The following JAZF1 variants were observed in gnomAD, a reference collection of about 807,000 sequenced individuals.
JAZF1 encodes JAZF zinc finger 1.
A neutral mutation model predicts 26.4 loss-of-function variants in JAZF1; 8 were observed. The observed-to-expected ratio is 0.30, with a 90% confidence interval of 0.18 to 0.55. The LOEUF is 0.55. Among genes scored for constraint, JAZF1 ranks in the 20% least tolerant of loss-of-function variants. The pLI, the probability that JAZF1 is intolerant of heterozygous loss-of-function variation, is 0.94. For synonymous variants in JAZF1, 126 were observed against 122.3 expected (o/e 1.03, Z -0.20); for missense variants, 199 against 322.0 (o/e 0.62, Z 2.92).
intron 1 of JAZF1, among the ~76,000 whole-genome samples, chr7:28,093,187 T>C (rs1356483153): frequency 1.3e-5 from 2 of 152,188 alleles, no homozygotes; most frequent in Non-Finnish European, 2.9e-5. Flanking sequence ...TCATACTGAA[T>C]TGTAGCTCCA....
chr7:27,897,990 T>C (rs565118869), intron 2 of JAZF1, among the ~76,000 whole-genome samples: 5 of 152,340 alleles, frequency 3.3e-5, no homozygotes, highest in South Asian at 4.1e-4. Flanking sequence ...AATGAGGTAA[T>C]TGGCCTGTCA....
chr7:27,932,548 CT>C, intron 2 of JAZF1, among the ~76,000 whole-genome samples: 1 of 152,130 alleles, frequency 6.6e-6, no homozygotes, highest in East Asian at 1.9e-4. Context: ...GAAATACAGA[CT>C]TTTAAAAAGA....
At chr7:27,967,701 T>A (rs1041735497) in intron 2 of JAZF1, among the ~76,000 whole-genome samples, 1 of 152,240 alleles carries the variant, frequency 6.6e-6, no homozygotes, top group African/African-American at 2.4e-5. Flanking sequence ...TCTTTCCATT[T>A]TTGTTCCTAT....
At chr7:28,050,330 G>A (rs1783591143) in intron 1 of JAZF1, among the ~76,000 whole-genome samples, 2 of 152,182 alleles carry the variant, frequency 1.3e-5, no homozygotes, top group Admixed American at 1.3e-4. Flanking sequence ...CCAGGGGTTG[G>A]AGAAAGAAGT....
intron 1 of JAZF1, among the ~76,000 whole-genome samples, chr7:28,020,093 T>C (rs1310482790): frequency 6.6e-6 from 1 of 152,122 alleles, no homozygotes; most frequent in Admixed American, 6.5e-5. Flanking sequence ...ATTTTCCCTA[T>C]AGGTTAAGCT....
At chr7:27,918,438 TC>T (rs1262551769) in intron 2 of JAZF1, among the ~76,000 whole-genome samples, 1 of 152,194 alleles carries the variant, frequency 6.6e-6, no homozygotes, top group Non-Finnish European at 1.5e-5. Context: ...TATATTAGTA[TC>T]ACCTCACTGA....
intron 1 of JAZF1, among the ~76,000 whole-genome samples, chr7:28,127,086 A>T (rs1123588): frequency 4.0e-4 from 61 of 152,312 alleles, no homozygotes; most frequent in African/African-American, 1.4e-3. Context: ...ATATTCCAGA[A>T]AGTTCTGAAG....
intron 1 of JAZF1, among the ~76,000 whole-genome samples, chr7:28,143,736 T>C (rs1431055442): frequency 2.6e-5 from 4 of 152,256 alleles, no homozygotes; most frequent in African/African-American, 9.6e-5. Flanking sequence ...ATTTATGGTA[T>C]ATTCTTTTCA....
intron 1 of JAZF1, among the ~76,000 whole-genome samples, chr7:28,170,236 A>G (rs534392348): frequency 6.6e-6 from 1 of 152,316 alleles, no homozygotes; most frequent in Admixed American, 6.5e-5. Flanking sequence ...CAGCCTGGGC[A>G]ACATACCAAG....
chr7:28,017,587 T>C (rs1376580235), intron 1 of JAZF1, among the ~76,000 whole-genome samples: 2 of 152,200 alleles, frequency 1.3e-5, no homozygotes, highest in African/African-American at 4.8e-5. Flanking sequence ...AATTAATCCA[T>C]GTGGAACTGC....
rs1237438739 is a variant in JAZF1, at chr7:28,111,968, G to A, written c.115+68495C>T. 3.3e-5 allele frequency among the ~76,000 whole-genome samples: 5 copies of A among 152,278 alleles called. No individual in the cohort carries two copies. The East Asian group carries it at 9.6e-4, about 29-fold the overall frequency. On this transcript the variant is annotated intron_variant, in intron 1 of 4. Transcript: ENST00000283928. Reference sequence around the variant, plus strand: ...TGACCTAGAATTGTGTAGTATTATGGTGCTATACCAACATCTAATTTTTAA... The same window carrying A: ...TGACCTAGAATTGTGTAGTATTATGATGCTATACCAACATCTAATTTTTAA...
chr7:27,906,663 T>A (rs1250780993), intron 2 of JAZF1, among the ~76,000 whole-genome samples: 1 of 152,208 alleles, frequency 6.6e-6, no homozygotes, highest in Non-Finnish European at 1.5e-5. Context: ...GTCTTTTCCG[T>A]CATTGATGCC....
Position 27,864,960 on chromosome 7 carries a change from A to C in JAZF1, c.386-24093T>G, listed in dbSNP as rs550032916. Among the ~76,000 whole-genome samples, 8 of 152,278 alleles carry C rather than the reference A, an allele frequency of 5.3e-5. No individual in the cohort carries two copies. The South Asian group carries it at 6.2e-4, about 12-fold the overall frequency. On this transcript the variant is annotated intron_variant, in intron 3 of 4. Transcript: ENST00000283928. The stretch of plus-strand genomic sequence containing the variant: ...AGGACCTGCTTCCCCCAGAGTCTCG[A>C]ATAGTGCTCCCAAACTGCAGACCGT...
chr7:28,129,903 G>GT (rs1375551296), intron 1 of JAZF1, among the ~76,000 whole-genome samples: 3 of 151,884 alleles, frequency 2.0e-5, no homozygotes, highest in Admixed American at 1.3e-4. Context: ...TGTGTTATGT[G>GT]TTTTTTACAT....
intron 1 of JAZF1, among the ~76,000 whole-genome samples, chr7:28,114,794 G>C (rs2127934862): frequency 6.6e-6 from 1 of 151,660 alleles, no homozygotes; most frequent in South Asian, 2.1e-4. Flanking sequence ...ATAAGAAAAT[G>C]GGACAGGGGA....
At chr7:28,106,365 C>T (rs964144386) in intron 1 of JAZF1, among the ~76,000 whole-genome samples, 1 of 152,268 alleles carries the variant, frequency 6.6e-6, no homozygotes, top group Non-Finnish European at 1.5e-5. Context: ...CAACCTCTGA[C>T]GCAGACATGC....
At chr7:27,879,133 G>A (rs1461016912) in intron 3 of JAZF1, among the ~76,000 whole-genome samples, 3 of 152,130 alleles carry the variant, frequency 2.0e-5, no homozygotes, top group Admixed American at 6.5e-5. Flanking sequence ...AGTAAGACAC[G>A]CATTTTAGTT....
At chr7:28,081,984 G>A (rs972985669) in intron 1 of JAZF1, among the ~76,000 whole-genome samples, 2 of 151,998 alleles carry the variant, frequency 1.3e-5, no homozygotes, top group Non-Finnish European at 2.9e-5. Context: ...TAATATTAAG[G>A]GGCTAAATAA....
At chr7:27,928,004 G>A (rs1411124005) in intron 2 of JAZF1, among the ~76,000 whole-genome samples, 2 of 152,092 alleles carry the variant, frequency 1.3e-5, no homozygotes, top group East Asian at 1.9e-4. Context: ...ACGTCAACAT[G>A]TTTGTGTTTT....
Sources: gnomAD v4.1 joint callset for allele counts (sites outside exome capture counted in the v4.1 genomes callset) on GRCh38, gnomAD v4.1.1 for gene constraint, MANE v1.5 for transcripts, NCBI Gene and HGNC (gene_info 2026-07-23, HGNC 2026-07-21) for gene names.